The following ADAMTS6 variants were observed in gnomAD, a reference collection of about 807,000 sequenced individuals.
The protein encoded by ADAMTS6 is A disintegrin and metalloproteinase with thrombospondin motifs 6.
ADAMTS6 carries 23 observed loss-of-function variants against 144.3 expected under a neutral mutation model. The observed-to-expected ratio is 0.16, with a 90% CI of 0.11 to 0.23. The LOEUF (loss-of-function observed/expected upper bound fraction) is 0.23, where lower values mean the gene tolerates loss of function less well. Ranked by LOEUF, ADAMTS6 falls within the 10% of genes least tolerant of loss-of-function variation. The probability of loss-of-function intolerance (pLI) is 1.00; values close to 1 mark genes in which losing one functional copy is unlikely to be tolerated. For missense variants in ADAMTS6, 999 were observed against 1,379.6 expected (o/e 0.72, Z 4.37); for synonymous variants, 444 against 457.5 (o/e 0.97, Z 0.38).
Position 65,149,461 on chromosome 5 carries a change from C to T in ADAMTS6, c.*2375G>A, listed in dbSNP as rs1233231771. Reference sequence around the variant, plus strand: ...TCTAGAAAGGCACTCTGATGCTGCCCCGGGGGATGCCTGCATTTTGTTCTC... The same window carrying T: ...TCTAGAAAGGCACTCTGATGCTGCCTCGGGGGATGCCTGCATTTTGTTCTC... On this transcript the variant is annotated 3_prime_UTR_variant, in exon 25 of 25. Coordinates refer to ENST00000381055, the MANE Select transcript of ADAMTS6 (RefSeq NM_197941.4). 1 of 152,222 alleles carries T rather than the reference C, an allele frequency of 6.6e-6. No individual in the cohort carries two copies. Among genetic ancestry groups the T allele is most frequent in the Non-Finnish European group, 1.5e-5 (1 of 68,062 alleles). The allele number at this position is 152,222 out of a possible 1,614,324, so 9.4% of individuals were successfully genotyped here. A position where few individuals can be genotyped will look rare whatever the true frequency, so the allele number is the denominator to read the frequency against.
rs10067408 is a variant in ADAMTS6 at position 65,475,006 on chromosome 5, C to T, written c.-279-1054G>A. On this transcript the variant is annotated intron_variant, in intron 1 of 24. Transcript: ENST00000381055. ...TAAATGCGTTTAATAAGGTAAGTTA[C>T]TGTTAGTAAGTTAGGAAAGTACACA... 1.9e-3 allele frequency among the ~76,000 whole-genome samples: 293 copies of T among 151,890 alleles called. 4 individuals carry two copies. Among genetic ancestry groups the T allele is most frequent in the African/African-American group, 6.9e-3 (288 of 41,446 alleles).
chr5:65,367,245 G>A (rs1750387630), intron 7 of ADAMTS6, among the ~76,000 whole-genome samples: 1 of 152,128 alleles, frequency 6.6e-6, no homozygotes, highest in South Asian at 2.1e-4. Context: ...ATTTTTGGAG[G>A]TGGGAGGAGT....
intron 4 of ADAMTS6, among the ~76,000 whole-genome samples, chr5:65,457,281 T>C (rs1181313314): frequency 1.3e-5 from 2 of 152,170 alleles, no homozygotes; most frequent in African/African-American, 4.8e-5. Flanking sequence ...AAAGTCAGTA[T>C]AGTGGTCTCG....
intron 4 of ADAMTS6, among the ~76,000 whole-genome samples, chr5:65,457,745 CT>C (rs1180960588): frequency 0.019 from 1,898 of 97,418 alleles, 5 homozygotes; most frequent in Middle Eastern, 0.027. Context: ...TTCTTTCTTT[CT>C]TTTTTTTTTT....
At chr5:65,188,287 G>A (rs887583514) in intron 21 of ADAMTS6, 67 bp from the exon 22 acceptor site, 407 of 1,510,938 alleles carry the variant, frequency 2.7e-4, no homozygotes, top group Non-Finnish European at 8.8e-5. Context: ...TTTTAGCTAA[G>A]TGAAGGCACT....
At chr5:65,255,095 T>A (rs1269421679) in intron 14 of ADAMTS6, among the ~76,000 whole-genome samples, 2 of 152,162 alleles carry the variant, frequency 1.3e-5, no homozygotes, top group African/African-American at 2.4e-5. Flanking sequence ...TAATAGAAGT[T>A]CGATATTTTG....
chr5:65,259,922 A>G (rs569045219), intron 14 of ADAMTS6, among the ~76,000 whole-genome samples: 23 of 152,310 alleles, frequency 1.5e-4, no homozygotes, highest in Admixed American at 3.9e-4. Flanking sequence ...GGGGAGGAAG[A>G]GTGATCTGGA....
intron 14 of ADAMTS6, among the ~76,000 whole-genome samples, chr5:65,248,885 T>C (rs1759887545): frequency 6.6e-6 from 1 of 152,120 alleles, no homozygotes; most frequent in Non-Finnish European, 1.5e-5. Flanking sequence ...AAAAACCTAG[T>C]CCTTATTTCT....
chr5:65,307,467 C>CCTAATCAACAGT (rs1472420897), intron 9 of ADAMTS6, among the ~76,000 whole-genome samples: 1 of 152,172 alleles, frequency 6.6e-6, no homozygotes, highest in Admixed American at 6.5e-5. Context: ...AAAATGCAGA[C>CCTAATCAACAGT]CTAATCAACA....
chr5:65,228,638 T>G (rs1046731869), intron 15 of ADAMTS6, among the ~76,000 whole-genome samples: 5 of 151,910 alleles, frequency 3.3e-5, no homozygotes, highest in Admixed American at 3.3e-4. Flanking sequence ...TAAGACCAGT[T>G]TAATTTCACC....
intron 8 of ADAMTS6, among the ~76,000 whole-genome samples, chr5:65,330,646 T>C (rs931654860): frequency 6.6e-6 from 1 of 152,222 alleles, no homozygotes. Flanking sequence ...GCTCTAGAAG[T>C]TGTGTTTCTC....
intron 10 of ADAMTS6, chr5:65,297,102 C>T (rs553135976): frequency 4.7e-6 from 2 of 423,684 alleles, no homozygotes; most frequent in Non-Finnish European, 9.3e-6. Flanking sequence ...ATAGGAAAGA[C>T]ACTACCTGCA....
intron 10 of ADAMTS6, among the ~76,000 whole-genome samples, chr5:65,294,613 C>A (rs1040914706): frequency 6.6e-6 from 1 of 152,070 alleles, no homozygotes; most frequent in African/African-American, 2.4e-5. Flanking sequence ...GTAACTAAAG[C>A]CTATAGATGA....
rs114467088 is a variant in ADAMTS6 at position 65,430,999 on chromosome 5, G to A, written c.1073+20476C>T. ...TTCTCTTGAGTGAAAGTTAAGAGGT[G>A]AGATTTTTATCACTTATTCAGTTGT... On this transcript the variant is annotated intron_variant, in intron 7 of 24. Coordinates refer to ENST00000381055, the MANE Select transcript of ADAMTS6 (RefSeq NM_197941.4). Among the ~76,000 whole-genome samples the A allele has an allele frequency of 2.5e-3, 380 of 152,224 alleles. 4 individuals are homozygous for A. Among genetic ancestry groups the A allele is most frequent in the African/African-American group, 8.9e-3 (368 of 41,546 alleles).
chr5:65,460,341 A>G lies in ADAMTS6; in HGVS notation c.463-3T>C. The G allele has an allele frequency of 1.3e-6, 2 of 1,584,848 alleles. No homozygotes were observed. Among genetic ancestry groups the G allele is most frequent in the South Asian group, 2.3e-5 (2 of 85,262 alleles). On this transcript the variant is annotated splice_polypyrimidine_tract_variant and splice_region_variant and intron_variant, in intron 3 of 24. Transcript: ENST00000381055. ...TCTTCTGTAGCAATAACACCATGCT[A>G]AAAGAAAAATAAACAAAGAACTTAC...
chr5:65,267,527 A>G (rs1349360134), intron 12 of ADAMTS6, among the ~76,000 whole-genome samples: 1 of 152,158 alleles, frequency 6.6e-6, no homozygotes, highest in African/African-American at 2.4e-5. Context: ...TCAGGCTTTA[A>G]GAGCCTTCTT....
rs530271014 is a variant in ADAMTS6, at chr5:65,346,457, A to C, written c.1074-12372T>G. ...TCATGGTAAAAATTCTCAACAAATT[A>C]GGTATAAAAGAAATGTATCTCAACA... On this transcript the variant is annotated intron_variant, in intron 7 of 24. Coordinates refer to ENST00000381055, the MANE Select transcript of ADAMTS6 (RefSeq NM_197941.4). Among the ~76,000 whole-genome samples, 259 of 151,942 alleles carry C rather than the reference A, an allele frequency of 1.7e-3. 1 individual carries two copies. The highest frequency in any genetic ancestry group is 0.011 in the South Asian group (52 of 4,826).
At chr5:65,432,468 G>C (rs1335809731) in intron 7 of ADAMTS6, among the ~76,000 whole-genome samples, 1 of 151,940 alleles carries the variant, frequency 6.6e-6, no homozygotes, top group Non-Finnish European at 1.5e-5. Flanking sequence ...AAAGAAAAGA[G>C]CCATTGAATT....
intron 22 of ADAMTS6, among the ~76,000 whole-genome samples, chr5:65,186,448 C>T (rs1754679046): frequency 6.6e-6 from 1 of 152,134 alleles, no homozygotes; most frequent in Non-Finnish European, 1.5e-5. Flanking sequence ...GTTTAGTAAT[C>T]ACTCAAACTT....
Sources: allele counts gnomAD v4.1 joint callset (sites outside exome capture counted in the v4.1 genomes callset), GRCh38; gene constraint gnomAD v4.1.1; transcripts MANE v1.5; gene names NCBI Gene and HGNC (gene_info 2026-07-23, HGNC 2026-07-21).